Variants in MAML2 observed in about 807,000 individuals in gnomAD.
The protein encoded by MAML2 is mastermind like transcriptional coactivator 2, also known as mastermind-like protein 2.
In MAML2, 22 loss-of-function variants were observed where a neutral mutation model predicts 96.1. That is an observed-to-expected ratio of 0.23 (90% CI 0.16 to 0.33). The LOEUF (loss-of-function observed/expected upper bound fraction) is 0.33. MAML2 is among the 10% of genes least tolerant of loss of function. The pLI is 1.00. For synonymous variants in MAML2, 561 were observed against 521.3 expected, an observed-to-expected ratio of 1.08 and a Z score of -1.04; for missense variants, 1,367 against 1,392.4, an observed-to-expected ratio of 0.98 and a Z score of 0.29.
chr11:96,200,967 A>T (rs1487378580), intron 1 of MAML2, among the ~76,000 whole-genome samples: 1 of 152,124 alleles, frequency 6.6e-6, no homozygotes. Flanking sequence ...CTTTGGTTTT[A>T]TGTTTTGAAA....
In MAML2 at chr11:95,978,379, TA is replaced by T; in HGVS notation, c.*568del. 1.0e-5 allele frequency: 2 copies of T among 197,090 alleles called. No homozygotes were observed. Among genetic ancestry groups the T allele is most frequent in the Non-Finnish European group, 2.1e-5 (2 of 95,066 alleles). 12.2% of individuals were successfully genotyped at this position (197,090 alleles called of 1,614,324 possible). ...GAGTGAATATGGGGAAGAAATTCTGTAATCCACTGGATGTTTTCTAGGTTCT... is the reference window on the plus strand; with the variant it reads ...GAGTGAATATGGGGAAGAAATTCTGTATCCACTGGATGTTTTCTAGGTTCT... On this transcript the variant is annotated 3_prime_UTR_variant, in exon 5 of 5. Transcript: ENST00000524717.
At chr11:96,105,973 A>G (rs751179740) in intron 1 of MAML2, among the ~76,000 whole-genome samples, 3 of 152,172 alleles carry the variant, frequency 2.0e-5, no homozygotes, top group African/African-American at 4.8e-5. Context: ...TTTGCTTTCT[A>G]TAAGGCCTGA....
intron 1 of MAML2, among the ~76,000 whole-genome samples, chr11:96,302,349 C>G (rs1863396763): frequency 6.6e-6 from 1 of 152,174 alleles, no homozygotes. Flanking sequence ...TATGTACTTT[C>G]ATCTGTTGTT....
rs188721879 is a variant in MAML2 at position 96,201,694 on chromosome 11, C to T, written c.514-108177G>A. Among the ~76,000 whole-genome samples the T allele has an allele frequency of 2.2e-3, 329 of 152,116 alleles. 4 individuals carry two copies. The East Asian group carries it at 0.032, about 15-fold the overall frequency. On this transcript the variant is annotated intron_variant, in intron 1 of 4. Transcript: ENST00000524717. ...CAGCACTTTGGGAGGCCAAGGCAGG[C>T]GGATCACGAGGTCAGGAGATCGAGA...
intron 1 of MAML2, among the ~76,000 whole-genome samples, chr11:96,123,492 C>T (rs1860384433): frequency 1.3e-5 from 2 of 152,326 alleles, no homozygotes; most frequent in East Asian, 3.9e-4. Flanking sequence ...TAATAGCCCA[C>T]ACGTGTCTAG....
At chr11:96,075,110 G>T (rs989119491) in intron 2 of MAML2, among the ~76,000 whole-genome samples, 2 of 152,154 alleles carry the variant, frequency 1.3e-5, no homozygotes, top group African/African-American at 4.8e-5. Context: ...GAAATTCGAG[G>T]TTAGACATCA....
At chr11:96,158,083 A>G (rs1861040396) in intron 1 of MAML2, among the ~76,000 whole-genome samples, 1 of 152,218 alleles carries the variant, frequency 6.6e-6, no homozygotes, top group Admixed American at 6.5e-5. Context: ...TTCTCAAGGT[A>G]TTCCAAGTCC....
intron 1 of MAML2, among the ~76,000 whole-genome samples, chr11:96,204,677 A>G (rs1028953570): frequency 2.0e-5 from 3 of 152,194 alleles, no homozygotes; most frequent in African/African-American, 7.2e-5. Context: ...TTAAACCACA[A>G]TTTATATCAG....
At chr11:96,045,902 G>GTTTTTT (rs60206394) in intron 2 of MAML2, among the ~76,000 whole-genome samples, 1 of 136,070 alleles carries the variant, frequency 7.3e-6, no homozygotes, top group African/African-American at 2.7e-5. Context: ...GCACACTTCT[G>GTTTTTT]TTTTTTTTTT....
At chr11:96,273,154 C>A (rs1349498766) in intron 1 of MAML2, among the ~76,000 whole-genome samples, 1 of 152,140 alleles carries the variant, frequency 6.6e-6, no homozygotes, top group Non-Finnish European at 1.5e-5. Flanking sequence ...TCAGAACTGG[C>A]ATCAAGTTGC....
At chr11:96,269,254 C>T (rs1438231027) in intron 1 of MAML2, among the ~76,000 whole-genome samples, 2 of 144,366 alleles carry the variant, frequency 1.4e-5, no homozygotes, top group Non-Finnish European at 3.0e-5. Flanking sequence ...AGCTCTTTTC[C>T]AAAGTGTCTA....
At chr11:96,004,914 C>A (rs945343068) in intron 2 of MAML2, among the ~76,000 whole-genome samples, 4 of 152,116 alleles carry the variant, frequency 2.6e-5, no homozygotes, top group African/African-American at 7.2e-5. Context: ...GAGGTGAGCC[C>A]TTATGGGAGG....
At chr11:96,110,462 CAG>C (rs1860099316) in intron 1 of MAML2, among the ~76,000 whole-genome samples, 1 of 152,180 alleles carries the variant, frequency 6.6e-6, no homozygotes, top group Non-Finnish European at 1.5e-5. Flanking sequence ...ACAGGAAATG[CAG>C]AGAGGCTGCA....
intron 2 of MAML2, among the ~76,000 whole-genome samples, chr11:96,031,498 G>C (rs1430507742): frequency 6.6e-6 from 1 of 152,152 alleles, no homozygotes; most frequent in African/African-American, 2.4e-5. Context: ...TTCCAGAAAA[G>C]AGTATTCCTT....
At chr11:96,063,719 A>C (rs890192673) in intron 2 of MAML2, among the ~76,000 whole-genome samples, 10 of 152,220 alleles carry the variant, frequency 6.6e-5, no homozygotes, top group Non-Finnish European at 1.3e-4. Context: ...TTATGGAGCT[A>C]TATTGTTTCT....
chr11:96,246,037 G>A (rs1862508340), intron 1 of MAML2, among the ~76,000 whole-genome samples: 1 of 150,996 alleles, frequency 6.6e-6, no homozygotes, highest in African/African-American at 2.4e-5. Flanking sequence ...CAACAAAAAC[G>A]TGGAGGCTTA....
chr11:96,168,096 T>C (rs1015801941), intron 1 of MAML2, among the ~76,000 whole-genome samples: 6 of 152,188 alleles, frequency 3.9e-5, no homozygotes, highest in Non-Finnish European at 8.8e-5. Flanking sequence ...GCTGACTACC[T>C]GGGTTCAAAC....
At chr11:96,152,968 T>C (rs991595718) in intron 1 of MAML2, among the ~76,000 whole-genome samples, 1 of 152,172 alleles carries the variant, frequency 6.6e-6, no homozygotes, top group African/African-American at 2.4e-5. Context: ...GCAGTTATAT[T>C]AAGTGATTCT....
chr11:96,076,432 T>TCACACACACACA (rs57102762), intron 2 of MAML2, among the ~76,000 whole-genome samples: 3 of 103,044 alleles, frequency 2.9e-5, no homozygotes, highest in Non-Finnish European at 7.1e-5. Flanking sequence ...TCTCTCTCTC[T>TCACACACACACA]CACACACACA....
Sources: allele counts gnomAD v4.1 joint callset (sites outside exome capture counted in the v4.1 genomes callset), GRCh38; gene constraint gnomAD v4.1.1; transcripts MANE v1.5; gene names NCBI Gene and HGNC (gene_info 2026-07-23, HGNC 2026-07-21).